TMEM184B: variants seen among roughly 807,000 people sequenced by gnomAD.
TMEM184B encodes the protein transmembrane protein 184B, also known as putative MAPK-activating protein FM08.
In TMEM184B, 17 loss-of-function variants were observed where a neutral mutation model predicts 41.8. The observed-to-expected ratio is 0.41, with a 90% CI of 0.28 to 0.61. The LOEUF is 0.61. Among genes scored for constraint, TMEM184B ranks in the 20% least tolerant of loss-of-function variants. The pLI is 0.34. For synonymous variants in TMEM184B, 240 were observed against 229.5 expected (o/e 1.05, Z -0.41); for missense variants, 393 against 557.8 (o/e 0.70, Z 2.98).
chr22:38,251,826 A>G (rs941941641), intron 1 of TMEM184B, among the ~76,000 whole-genome samples: 2 of 151,694 alleles, frequency 1.3e-5, no homozygotes, highest in Non-Finnish European at 2.9e-5. Flanking sequence ...CCCTTTTCCA[A>G]TGCAGTCCAT....
At position 38,239,649 on chromosome 22, in the gene TMEM184B, TGA is replaced by T. The variant is rs2091860267; in HGVS notation, c.358+6284_358+6285del. ...CTGCATTACAAGTTTCAACAGAGGC[TGA>T]GACAGCTCTATCCTCAGAACACGGT... On this transcript the variant is annotated intron_variant, in intron 3 of 8. Coordinates refer to ENST00000361906, the MANE Select transcript of TMEM184B (RefSeq NM_012264.5). This position sits in a 1 kb window ranked among gnomAD's most constrained non-coding sequence, Gnocchi z 4.6. The T allele has an allele frequency of 6.6e-6, 1 of 152,172 alleles. No individual in the cohort carries two copies. The highest frequency in any genetic ancestry group is 2.4e-5 in the African/African-American group (1 of 41,414). 9.4% of individuals were successfully genotyped at this position (152,172 alleles called of 1,614,324 possible).
In TMEM184B at chr22:38,226,889, G is replaced by A; in HGVS notation, c.526-19C>T. 1.3e-6 allele frequency: 2 copies of A among 1,567,432 alleles called. No individual in the cohort carries two copies. The highest frequency in any genetic ancestry group is 1.7e-6 in the Non-Finnish European group (2 of 1,156,952). ...GGGTGGCCTGTTGGGGGGAAAAGGA[G>A]GTTGAGTGTGGAGGAGGAGCACAGA... On this transcript the variant is annotated intron_variant, in intron 5 of 8. Transcript: ENST00000361906. This position sits in a 1 kb window ranked among gnomAD's most constrained non-coding sequence, Gnocchi z 4.6.
chr22:38,250,096 T>C (rs2092129196), intron 1 of TMEM184B, among the ~76,000 whole-genome samples: 2 of 152,322 alleles, frequency 1.3e-5, no homozygotes, highest in South Asian at 2.1e-4. Flanking sequence ...GATGATCTCA[T>C]GGTCCCTTCC....
intron 3 of TMEM184B, among the ~76,000 whole-genome samples, chr22:38,237,468 G>A (rs1205211644): frequency 2.0e-5 from 3 of 152,354 alleles, no homozygotes; most frequent in Non-Finnish European, 2.9e-5. Context: ...CTCACCCCCT[G>A]TGCACACCTT....
intron 3 of TMEM184B, among the ~76,000 whole-genome samples, chr22:38,234,232 T>C (rs1398890112): frequency 2.0e-5 from 3 of 152,184 alleles, no homozygotes; most frequent in Non-Finnish European, 4.4e-5. Flanking sequence ...CTCTTTCCTC[T>C]GGCTCTTTTT....
intron 3 of TMEM184B, among the ~76,000 whole-genome samples, chr22:38,235,584 G>A (rs1017924549): frequency 6.6e-6 from 1 of 152,212 alleles, no homozygotes. Flanking sequence ...TTTGCTGACA[G>A]TTCCCTTTAA....
rs1320419598 is a variant in TMEM184B at position 38,226,997 on chromosome 22, GAGGGATGGAGGGACGGA to G, written c.526-144_526-128del. ...GAGGATGAAGGAGACGGAGAGGACG[GAGGGATGGAGGGACGGA>G]GGGGATGGAGGGACGAAGGGATGGA... is the stretch of plus-strand genomic sequence containing the variant. On this transcript the variant is annotated intron_variant, in intron 5 of 8. Transcript: ENST00000361906. This position sits in a 1 kb window ranked among gnomAD's most constrained non-coding sequence, Gnocchi z 4.6. 22 of 905,512 alleles carry G rather than the reference GAGGGATGGAGGGACGGA, an allele frequency of 2.4e-5. No homozygotes were observed. The East Asian group carries it at 2.8e-4, about 11-fold the overall frequency. The allele number at this position is 905,512 out of a possible 1,614,324, so 56.1% of individuals were successfully genotyped here.
intron 5 of TMEM184B, among the ~76,000 whole-genome samples, chr22:38,227,268 G>A (rs575647189): frequency 7.2e-5 from 11 of 152,256 alleles, no homozygotes; most frequent in Admixed American, 2.6e-4. Context: ...AGCTTCTCGA[G>A]CCAGGACCAT....
chr22:38,249,916 T>C (rs1479078347), intron 1 of TMEM184B, among the ~76,000 whole-genome samples: 1 of 152,076 alleles, frequency 6.6e-6, no homozygotes, highest in Non-Finnish European at 1.5e-5. Flanking sequence ...CCCGACAATT[T>C]TAAAAGATGC....
At chr22:38,224,047 G>A (rs545817709) in intron 8 of TMEM184B, 7 of 152,334 alleles carry the variant, frequency 4.6e-5, no homozygotes, top group South Asian at 2.1e-4. Context: ...AGGAAGATTC[G>A]CAGGTGTAAA....
chr22:38,252,341 G>A (rs1340659577), intron 1 of TMEM184B, among the ~76,000 whole-genome samples: 2 of 152,114 alleles, frequency 1.3e-5, no homozygotes, highest in Non-Finnish European at 2.9e-5. Flanking sequence ...GATTACAGGC[G>A]AGAGCCACCA....
chr22:38,250,518 G>A (rs1202726488), intron 1 of TMEM184B, among the ~76,000 whole-genome samples: 1 of 152,250 alleles, frequency 6.6e-6, no homozygotes, highest in African/African-American at 2.4e-5. Flanking sequence ...AATAGCTCCT[G>A]TAAGTATGGT....
downstream of TMEM184B, among the ~76,000 whole-genome samples, chr22:38,217,369 G>A (rs186531600): frequency 6.4e-5 from 5 of 78,480 alleles, no homozygotes; most frequent in African/African-American, 2.2e-4. Context: ...GCCCGGGTGC[G>A]GTGGCTCATG....
chr22:38,234,667 C>T (rs941745734), intron 3 of TMEM184B, among the ~76,000 whole-genome samples: 3 of 152,176 alleles, frequency 2.0e-5, no homozygotes, highest in South Asian at 2.1e-4. Flanking sequence ...CTCTGCTCAC[C>T]GCAGAGGCAG....
Position 38,221,391 on chromosome 22 carries a change from G to A in TMEM184B, c.*78C>T. The A allele has an allele frequency of 2.0e-6, 3 of 1,516,280 alleles. No individual in the cohort carries two copies. Among genetic ancestry groups the A allele is most frequent in the Non-Finnish European group, 2.6e-6 (3 of 1,137,670 alleles). 93.9% of individuals were successfully genotyped at this position (1,516,280 alleles called of 1,614,324 possible). ...TGAGCACTGTGCCAGCTGCCTCCTGGCCTGGTGGTGAGGCTGGAGGTGGGG... is the reference window on the plus strand; with the variant it reads ...TGAGCACTGTGCCAGCTGCCTCCTGACCTGGTGGTGAGGCTGGAGGTGGGG... On this transcript the variant is annotated 3_prime_UTR_variant, in exon 9 of 9. Transcript: ENST00000361906.
At chr22:38,251,648 C>T (rs1448356555) in intron 1 of TMEM184B, among the ~76,000 whole-genome samples, 1 of 152,196 alleles carries the variant, frequency 6.6e-6, no homozygotes, top group Non-Finnish European at 1.5e-5. Context: ...GACCCTTTCA[C>T]ACTCTGTACA....
rs1365413801 is a variant in TMEM184B, at chr22:38,225,327, G to A, written c.787+97C>T. On this transcript the variant is annotated intron_variant, in intron 7 of 8. Coordinates refer to ENST00000361906, the MANE Select transcript of TMEM184B (RefSeq NM_012264.5). This position sits in a 1 kb window ranked among gnomAD's most constrained non-coding sequence, Gnocchi z 4.4. ...AGTGGGCTGAGGCCCCTCTGAACAG[G>A]CCCTACAGGCACCAGGGACCATAAG... The A allele has an allele frequency of 3.5e-6, 5 of 1,422,994 alleles. No homozygotes were observed. Among genetic ancestry groups the A allele is most frequent in the African/African-American group, 1.4e-5 (1 of 69,210 alleles). The allele number at this position is 1,422,994 out of a possible 1,614,324, so 88.1% of individuals were successfully genotyped here. A position where few individuals can be genotyped will look rare whatever the true frequency, so the allele number is the denominator to read the frequency against.
chr22:38,265,203 A>G (rs541221381), intron 1 of TMEM184B, among the ~76,000 whole-genome samples: 2 of 151,944 alleles, frequency 1.3e-5, no homozygotes, highest in Admixed American at 1.3e-4. Flanking sequence ...AGGTGGTCCC[A>G]CTCCCTGCAA....
At chr22:38,253,996 T>C (rs1276554374) in intron 1 of TMEM184B, among the ~76,000 whole-genome samples, 2 of 151,466 alleles carry the variant, frequency 1.3e-5, no homozygotes, top group Non-Finnish European at 2.9e-5. Context: ...AGGTCAGGAG[T>C]TCGAGATCAG....
Sources: gnomAD v4.1 joint callset for allele counts (sites outside exome capture counted in the v4.1 genomes callset) on GRCh38, gnomAD v4.1.1 for gene constraint, Gnocchi (gnomAD v3.1) non-coding constraint, MANE v1.5 for transcripts, NCBI Gene and HGNC (gene_info 2026-07-23, HGNC 2026-07-21) for gene names.